TGFBR2: variants seen among roughly 807,000 people sequenced by gnomAD.
The protein encoded by TGFBR2 is transforming growth factor beta receptor 2.
TGFBR2 carries 18 observed loss-of-function variants against 49.0 expected under a neutral mutation model. The observed-to-expected ratio is 0.37, with a 90% CI of 0.25 to 0.54. The LOEUF is 0.54. TGFBR2 is among the 20% of genes least tolerant of loss of function. TGFBR2 has a pLI of 0.85. For missense variants in TGFBR2, 525 were observed against 722.6 expected (o/e 0.73, Z 3.13); for synonymous variants, 282 against 275.9 (o/e 1.02, Z -0.22).
chr3:30,677,265 CAGTT>C (rs1413429360), intron 5 of TGFBR2, among the ~76,000 whole-genome samples: 3 of 152,158 alleles, frequency 2.0e-5, no homozygotes, highest in Non-Finnish European at 4.4e-5. Context: ...GGTCTAAAAA[CAGTT>C]AGAATATAAA....
chr3:30,658,430 A>G (rs962559232), intron 3 of TGFBR2, among the ~76,000 whole-genome samples: 2 of 152,204 alleles, frequency 1.3e-5, no homozygotes, highest in Non-Finnish European at 2.9e-5. Flanking sequence ...GGAATGGGAT[A>G]GGACTGTAAG....
intron 5 of TGFBR2, among the ~76,000 whole-genome samples, chr3:30,677,540 C>G (rs1452389618): frequency 3.9e-5 from 6 of 152,212 alleles, no homozygotes; most frequent in Non-Finnish European, 8.8e-5. Context: ...ACGTAGTAAG[C>G]TCCTTCTCCC....
intron 1 of TGFBR2, among the ~76,000 whole-genome samples, chr3:30,637,783 A>T (rs1050913998): frequency 1.7e-4 from 25 of 149,528 alleles, no homozygotes; most frequent in Non-Finnish European, 8.9e-5. Context: ...ATGAGTGGTT[A>T]AAAAAAAAAC....
At chr3:30,623,412 G>C in intron 1 of TGFBR2, 2 of 1,128,862 alleles carry the variant, frequency 1.8e-6, no homozygotes, top group South Asian at 2.8e-5. Context: ...AATTGTTAAA[G>C]AGGCGATGGC....
At chr3:30,623,039 A>G (rs1698263120) in intron 1 of TGFBR2, among the ~76,000 whole-genome samples, 1 of 152,160 alleles carries the variant, frequency 6.6e-6, no homozygotes, top group South Asian at 2.1e-4. Flanking sequence ...CTAGTCTGAT[A>G]ACTTTGAAGA....
intron 1 of TGFBR2, among the ~76,000 whole-genome samples, chr3:30,615,117 A>G (rs1224519879): frequency 1.3e-5 from 2 of 152,232 alleles, no homozygotes; most frequent in African/African-American, 4.8e-5. Flanking sequence ...TGGAACAATT[A>G]TGCCATCAGG....
chr3:30,638,690 TTTGG>T (rs1168081329), intron 1 of TGFBR2, among the ~76,000 whole-genome samples: 1 of 152,188 alleles, frequency 6.6e-6, no homozygotes, highest in Non-Finnish European at 1.5e-5. Flanking sequence ...AAGGTGTTTG[TTTGG>T]TTGGTTGGTT....
chr3:30,657,755 C>T (rs1159998006), intron 3 of TGFBR2, among the ~76,000 whole-genome samples: 1 of 152,136 alleles, frequency 6.6e-6, no homozygotes. Flanking sequence ...CTCCTCTTCC[C>T]TGCAAATTCC....
At chr3:30,689,420 T>C (rs1699677256) in intron 6 of TGFBR2, among the ~76,000 whole-genome samples, 1 of 152,190 alleles carries the variant, frequency 6.6e-6, no homozygotes, top group Non-Finnish European at 1.5e-5. Flanking sequence ...ATTGCCTCTT[T>C]TGGATGAATT....
intron 1 of TGFBR2, among the ~76,000 whole-genome samples, chr3:30,643,695 G>T (rs577632650): frequency 1.3e-5 from 2 of 152,212 alleles, no homozygotes; most frequent in African/African-American, 2.4e-5. Context: ...TATGTGAAAG[G>T]TTCTCTTCCT....
intron 3 of TGFBR2, among the ~76,000 whole-genome samples, chr3:30,669,971 CTCA>C (rs1462166833): frequency 6.6e-6 from 1 of 152,092 alleles, no homozygotes; most frequent in Non-Finnish European, 1.5e-5. Context: ...GGACTATATT[CTCA>C]TCACTTTTTT....
rs752410925 is a variant in TGFBR2 at position 30,676,559 on chromosome 3, T to A, written c.1396+2313T>A. 1.3e-5 allele frequency among the ~76,000 whole-genome samples: 2 copies of A among 152,222 alleles called. No homozygotes were observed. Among genetic ancestry groups the A allele is most frequent in the African/African-American group, 2.4e-5 (1 of 41,446 alleles). On this transcript the variant is annotated intron_variant, in intron 5 of 6. Transcript: ENST00000295754. This position sits in a 1 kb window ranked among gnomAD's most constrained non-coding sequence, Gnocchi z 4.3. ...GGGTATTTGTTTCATTATATGAGTA[T>A]CCAGTATTGTCATTATTTATTTTGT...
intron 1 of TGFBR2, among the ~76,000 whole-genome samples, chr3:30,622,383 T>C (rs1480633708): frequency 6.6e-6 from 1 of 152,186 alleles, no homozygotes; most frequent in Non-Finnish European, 1.5e-5. Context: ...CAGTTCACTA[T>C]GGGTTTCTGT....
At chr3:30,639,624 C>T (rs1035715449) in intron 1 of TGFBR2, among the ~76,000 whole-genome samples, 1 of 152,128 alleles carries the variant, frequency 6.6e-6, no homozygotes, top group Admixed American at 6.5e-5. Flanking sequence ...TTCTATCCAC[C>T]AGTTTCCATG....
intron 1 of TGFBR2, among the ~76,000 whole-genome samples, chr3:30,636,151 ATG>A (rs757452663): frequency 9.4e-6 from 1 of 106,744 alleles, no homozygotes; most frequent in East Asian, 3.3e-4. Context: ...GAAAATATAT[ATG>A]TATGTGTGTG....
chr3:30,680,786 A>G (rs1030172332), intron 5 of TGFBR2, among the ~76,000 whole-genome samples: 1 of 152,210 alleles, frequency 6.6e-6, no homozygotes, highest in African/African-American at 2.4e-5. Flanking sequence ...GAAAAAGGAG[A>G]AAAAGCTTCA....
intron 5 of TGFBR2, among the ~76,000 whole-genome samples, chr3:30,686,253 C>T (rs1482871930): frequency 6.6e-6 from 1 of 152,050 alleles, no homozygotes; most frequent in Non-Finnish European, 1.5e-5. Flanking sequence ...CTGCCTTGTG[C>T]CTTAGGCATT....
At chr3:30,686,229 A>G (rs968204591) in intron 5 of TGFBR2, among the ~76,000 whole-genome samples, 3 of 152,238 alleles carry the variant, frequency 2.0e-5, no homozygotes, top group African/African-American at 4.8e-5. Flanking sequence ...AGTGAAAGAC[A>G]CCAAATTCAG....
chr3:30,650,439 GACA>G lies in TGFBR2; in HGVS notation c.437_439del (p.Asn146del). 1 of 1,613,988 alleles carries G rather than the reference GACA, an allele frequency of 6.2e-7. No homozygotes were observed. The highest frequency in any genetic ancestry group is 8.5e-7 in the Non-Finnish European group (1 of 1,179,962). The stretch of plus-strand genomic sequence containing the variant: ...TTCCTGTAGCTCTGATGAGTGCAAT[GACA>G]ACATCATCTTCTCAGAAGGTGAGTT... On this transcript the variant is annotated inframe_deletion, in exon 3 of 7. Transcript: ENST00000295754.
Sources: gnomAD v4.1 joint callset for allele counts (sites outside exome capture counted in the v4.1 genomes callset) on GRCh38, gnomAD v4.1.1 for gene constraint, Gnocchi (gnomAD v3.1) non-coding constraint, MANE v1.5 for transcripts, NCBI Gene and HGNC (gene_info 2026-07-23, HGNC 2026-07-21) for gene names.